SLC25A18: variants seen among roughly 807,000 people sequenced by gnomAD.
SLC25A18 encodes the protein solute carrier family 25 member 18, also known as mitochondrial glutamate carrier 2.
SLC25A18 carries 24 observed loss-of-function variants against 31.1 expected under a neutral mutation model. The ratio of observed to expected loss-of-function variants is 0.77; its 90% CI spans 0.56 to 1.08. The LOEUF (loss-of-function observed/expected upper bound fraction) is 1.08, where lower values mean the gene tolerates loss of function less well. SLC25A18 is among the 50% of genes least tolerant of loss of function. The pLI, the probability that SLC25A18 is intolerant of heterozygous loss-of-function variation, is 0.00. For synonymous variants in SLC25A18, 173 were observed against 161.9 expected (o/e 1.07, Z -0.52); for missense variants, 371 against 418.5 (o/e 0.89, Z 0.99).
At chr22:17,568,192 G>A (rs188413481) in intron 1 of SLC25A18, among the ~76,000 whole-genome samples, 45 of 151,756 alleles carry the variant, frequency 3.0e-4, no homozygotes, top group Admixed American at 2.2e-3. Context: ...GTGAAACCCC[G>A]TCTCTACTAA....
At chr22:17,587,389 C>A in intron 8 of SLC25A18, 88 bp downstream of exon 8, 1 of 1,462,070 alleles carries the variant, frequency 6.8e-7, no homozygotes, top group Non-Finnish European at 9.1e-7. Flanking sequence ...GCCTCTGTGT[C>A]CTTCCCAGAA....
chr22:17,576,089 C>T (rs1053191384), intron 2 of SLC25A18, among the ~76,000 whole-genome samples: 3 of 152,172 alleles, frequency 2.0e-5, no homozygotes, highest in Admixed American at 1.3e-4. Context: ...CATGGTGGCT[C>T]ATGCCTGTAA....
Position 17,584,017 on chromosome 22 carries a change from G to A in SLC25A18, c.409+483G>A, listed in dbSNP as rs1047000128. The A allele has an allele frequency of 4.1e-6, 4 of 974,766 alleles. No individual in the cohort carries two copies. In the African/African-American group the frequency reaches 5.3e-5, roughly 13 times the overall value. 60.4% of individuals were successfully genotyped at this position (974,766 alleles called of 1,614,324 possible). A position where few individuals can be genotyped will look rare whatever the true frequency, so the allele number is the denominator to read the frequency against. On this transcript the variant is annotated intron_variant, in intron 7 of 10. Transcript: ENST00000327451. ...CAGCTCTAGAACAAATAGCAGAAAT[G>A]AGAATGTTGATTCAGAGGGTCAGAA...
chr22:17,566,598 G>C (rs1209783082), intron 1 of SLC25A18, among the ~76,000 whole-genome samples: 1 of 152,012 alleles, frequency 6.6e-6, no homozygotes, highest in Non-Finnish European at 1.5e-5. Flanking sequence ...TTTTAGTAGA[G>C]ACGGGGTTTC....
intron 5 of SLC25A18, 55 bp downstream of exon 5, chr22:17,581,468 A>G: frequency 6.9e-6 from 11 of 1,591,554 alleles, no homozygotes; most frequent in Non-Finnish European, 9.5e-6. Flanking sequence ...CGTATGGGAC[A>G]TGGGGAACTG....
At chr22:17,585,632 TTTATTA>T (rs1321633226) in intron 7 of SLC25A18, among the ~76,000 whole-genome samples, 20 of 140,886 alleles carry the variant, frequency 1.4e-4, no homozygotes, top group African/African-American at 5.2e-4. Context: ...TATTATTTAT[TTTATTA>T]TTATTATTAT....
At chr22:17,571,166 G>A (rs1259263617) in intron 2 of SLC25A18, among the ~76,000 whole-genome samples, 1 of 152,162 alleles carries the variant, frequency 6.6e-6, no homozygotes, top group East Asian at 1.9e-4. Context: ...CAGCCCCCGC[G>A]CCCTTTCACC....
intron 1 of SLC25A18, among the ~76,000 whole-genome samples, chr22:17,564,981 G>A (rs1442252506): frequency 6.6e-6 from 1 of 152,140 alleles, no homozygotes; most frequent in East Asian, 1.9e-4. Flanking sequence ...GGTGAGGTGG[G>A]TGGATCGCTT....
At chr22:17,565,396 T>C (rs2056910077) in intron 1 of SLC25A18, among the ~76,000 whole-genome samples, 1 of 151,978 alleles carries the variant, frequency 6.6e-6, no homozygotes, top group Admixed American at 6.6e-5. Context: ...TTCTATTTTT[T>C]AATAGAGATA....
At chr22:17,570,133 C>A in intron 2 of SLC25A18, 147 bp downstream of exon 2, 2 of 469,476 alleles carry the variant, frequency 4.3e-6, no homozygotes, top group Non-Finnish European at 5.6e-6. Flanking sequence ...GGGGTGGGCA[C>A]GAGGAAGTGG....
intron 7 of SLC25A18, chr22:17,585,389 C>T (rs1258037618): frequency 6.7e-6 from 1 of 150,126 alleles, no homozygotes; most frequent in Non-Finnish European, 1.5e-5. Context: ...GACTCCATCT[C>T]GAGAAAAAAA....
At chr22:17,572,736 G>T (rs1029332200) in intron 2 of SLC25A18, among the ~76,000 whole-genome samples, 1 of 139,298 alleles carries the variant, frequency 7.2e-6, no homozygotes, top group Admixed American at 7.0e-5. Context: ...CCGCCTCCCG[G>T]GTTCACACCA....
chr22:17,575,634 G>C (rs1230199996), intron 2 of SLC25A18, among the ~76,000 whole-genome samples: 2 of 152,192 alleles, frequency 1.3e-5, no homozygotes, highest in Non-Finnish European at 2.9e-5. Context: ...GTGAACAGTA[G>C]CCAGGGGATG....
chr22:17,590,173 T>TG lies in SLC25A18; in HGVS notation c.888dup (p.Ile297AspfsTer19). 2.5e-6 allele frequency: 4 copies of TG among 1,614,220 alleles called. No homozygotes were observed. The highest frequency in any genetic ancestry group is 3.4e-6 in the Non-Finnish European group (4 of 1,180,042). ...GGGCACTGGTCATAGCACCTCTCTT[T>TG]GGGATTGCTCAAGGGGTCTATTTTA... On this transcript the variant is annotated frameshift_variant, in exon 11 of 11. Coordinates refer to ENST00000327451, the MANE Select transcript of SLC25A18 (RefSeq NM_031481.3). LOFTEE classifies it high-confidence loss of function.
chr22:17,582,787 G>T, intron 6 of SLC25A18, 134 bp downstream of exon 6: 1 of 776,382 alleles, frequency 1.3e-6, no homozygotes, highest in Non-Finnish European at 2.1e-6. Flanking sequence ...GCTGAGGGCT[G>T]GTGTGTGTTT....
At chr22:17,581,578 C>T (rs764425679) in intron 5 of SLC25A18, 165 bp downstream of exon 5, 3 of 711,228 alleles carry the variant, frequency 4.2e-6, no homozygotes, top group Non-Finnish European at 6.9e-6. Context: ...AGCTCTGGGT[C>T]CTGGTAAGGC....
At chr22:17,585,791 A>G (rs1432522588) in intron 7 of SLC25A18, among the ~76,000 whole-genome samples, 3 of 151,542 alleles carry the variant, frequency 2.0e-5, no homozygotes, top group Non-Finnish European at 4.4e-5. Context: ...TGGGATTACA[A>G]GCATGCACTA....
intron 5 of SLC25A18, chr22:17,581,676 C>A: frequency 2.0e-6 from 1 of 507,518 alleles, no homozygotes; most frequent in Non-Finnish European, 3.5e-6. Flanking sequence ...CTCTGCCTGG[C>A]TAGAAGCGAA....
At position 17,587,222 on chromosome 22, in the gene SLC25A18, G is replaced by A; in HGVS notation, c.496G>A (p.Ala166Thr). ...GSASTHRRPSATLIAWELLRT... is the reference protein window; with the variant it reads ...GSASTHRRPSTTLIAWELLRT... Reference sequence around the variant, plus strand: ...GGCTTCCACCCACAGGCGCCCCTCTGCCACCCTCATTGCCTGGGAGCTGCT... The same window carrying A: ...GGCTTCCACCCACAGGCGCCCCTCTACCACCCTCATTGCCTGGGAGCTGCT... Residue 166 changes from alanine to threonine, a missense_variant, in exon 8 of 11, where the codon GCC becomes ACC. Ala to Thr is a moderately conservative substitution (Grantham distance 58). Transcript: ENST00000327451. 2 of 1,614,040 alleles carry A rather than the reference G, an allele frequency of 1.2e-6. No homozygotes were observed. Among genetic ancestry groups the A allele is most frequent in the Non-Finnish European group, 1.7e-6 (2 of 1,180,020 alleles).
Sources: gnomAD v4.1 joint callset for allele counts (sites outside exome capture counted in the v4.1 genomes callset) on GRCh38, gnomAD v4.1.1 for gene constraint, MANE v1.5 for transcripts, NCBI Gene and HGNC (gene_info 2026-07-23, HGNC 2026-07-21) for gene names.